Variants in PCDHA4 observed in about 807,000 individuals in gnomAD.
PCDHA4 encodes protocadherin alpha 4.
A neutral mutation model predicts 61.4 loss-of-function variants in PCDHA4; 49 were observed. The observed-to-expected ratio is 0.80, with a 90% confidence interval of 0.63 to 1.01. PCDHA4 has a LOEUF of 1.01. Among genes scored for constraint, PCDHA4 ranks in the 50% least tolerant of loss-of-function variants. PCDHA4 has a pLI of 0.00. For missense variants in PCDHA4, 1,254 were observed against 1,235.8 expected, an observed-to-expected ratio of 1.01 and a Z score of -0.22; for synonymous variants, 590 against 550.3, an observed-to-expected ratio of 1.07 and a Z score of -1.01.
At chr5:140,993,226 T>G (rs1554253487) in intron 3 of PCDHA4, among the ~76,000 whole-genome samples, 1 of 152,204 alleles carries the variant, frequency 6.6e-6, no homozygotes, top group Non-Finnish European at 1.5e-5. Context: ...TTTGGTATGT[T>G]CTCTCTGAAT....
intron 1 of PCDHA4, chr5:140,813,779 T>TA (rs1765377649): frequency 6.6e-6 from 1 of 152,298 alleles, no homozygotes; most frequent in Admixed American, 6.5e-5. Flanking sequence ...GAGGATCACT[T>TA]AAGCCCAGGA....
intron 1 of PCDHA4, among the ~76,000 whole-genome samples, chr5:140,841,023 C>T (rs1331109795): frequency 6.6e-6 from 1 of 152,000 alleles, no homozygotes; most frequent in Admixed American, 6.6e-5. Flanking sequence ...ATGAATGCCT[C>T]TGCAATTGAT....
intron 1 of PCDHA4, among the ~76,000 whole-genome samples, chr5:140,846,468 G>A (rs1461783374): frequency 7.0e-6 from 1 of 142,284 alleles, no homozygotes; most frequent in East Asian, 2.1e-4. Flanking sequence ...TCTGCCTCCC[G>A]GGTTCAAATG....
intron 1 of PCDHA4, among the ~76,000 whole-genome samples, chr5:140,924,989 C>T (rs782768303): frequency 7.9e-5 from 12 of 151,328 alleles, no homozygotes; most frequent in Admixed American, 1.3e-4. Context: ...GTCTGTAATC[C>T]TAGCACTTTA....
Position 140,913,941 on chromosome 5 carries a change from C to T in PCDHA4, c.2386-65008C>T, listed in dbSNP as rs950871389. ...TACTTCATTGTGGTCAGAGAAGAAT[C>T]TTGATATGATATCATTTTTAAAAAA... On this transcript the variant is annotated intron_variant, in intron 1 of 3. Transcript: ENST00000530339. Among the ~76,000 whole-genome samples, 3 of 152,102 alleles carry T rather than the reference C, an allele frequency of 2.0e-5. No homozygotes were observed. In the East Asian group the frequency reaches 5.8e-4, roughly 29 times the overall value.
At chr5:140,822,611 T>A in intron 1 of PCDHA4, 1 of 1,611,604 alleles carries the variant, frequency 6.2e-7, no homozygotes, top group South Asian at 1.1e-5. Flanking sequence ...ATAGTGTATT[T>A]CTTTAGTAAT....
chr5:140,821,740 A>C (rs1767041750), intron 1 of PCDHA4: 1 of 1,551,082 alleles, frequency 6.4e-7, no homozygotes, highest in Non-Finnish European at 8.7e-7. Flanking sequence ...TTGTGTGGTG[A>C]TGCAATAGAA....
At chr5:140,868,907 AC>A in intron 1 of PCDHA4, 2 of 869,128 alleles carry the variant, frequency 2.3e-6, no homozygotes, top group Non-Finnish European at 3.4e-6. Flanking sequence ...GTCGCTCTTT[AC>A]TTGGTGGAAA....
intron 1 of PCDHA4, chr5:140,968,357 C>T: frequency 6.2e-7 from 1 of 1,614,080 alleles, no homozygotes; most frequent in Non-Finnish European, 8.5e-7. Context: ...CAGTGGCAGC[C>T]TTTATGCTGT....
intron 1 of PCDHA4, chr5:140,823,946 C>A: frequency 6.2e-7 from 1 of 1,613,970 alleles, no homozygotes; most frequent in Non-Finnish European, 8.5e-7. Flanking sequence ...CGGTGCTCGG[C>A]GCAGCCCACC....
intron 2 of PCDHA4, among the ~76,000 whole-genome samples, chr5:140,981,825 T>G (rs941645731): frequency 2.0e-5 from 3 of 152,184 alleles, no homozygotes; most frequent in African/African-American, 7.2e-5. Context: ...TCTGCTTGCC[T>G]CTAAAGGTCT....
chr5:140,968,159 A>T, intron 1 of PCDHA4: 6 of 1,614,136 alleles, frequency 3.7e-6, no homozygotes, highest in Non-Finnish European at 4.2e-6. Flanking sequence ...CATCAATGAC[A>T]ATCCACCAAG....
rs112991614 is a variant in PCDHA4, at chr5:140,829,474, A to G, written c.2385+19902A>G. 3.3e-3 allele frequency: 5,348 copies of G among 1,613,788 alleles called. 124 individuals carry two copies. In the African/African-American group the frequency reaches 0.055, roughly 17 times the overall value. On this transcript the variant is annotated intron_variant, in intron 1 of 3. Transcript: ENST00000530339. ...CGGCGTTCGCGCAGCCCGAGTACAC[A>G]GTGTTCGTGAAGGAGAACAACCCGC...
intron 1 of PCDHA4, among the ~76,000 whole-genome samples, chr5:140,964,705 C>T (rs1361202248): frequency 2.6e-5 from 4 of 151,550 alleles, no homozygotes; most frequent in Non-Finnish European, 4.4e-5. Flanking sequence ...TTAAGGCCTC[C>T]GAGATCAAAT....
chr5:140,971,019 G>A (rs908442935), intron 1 of PCDHA4, among the ~76,000 whole-genome samples: 2 of 152,174 alleles, frequency 1.3e-5, no homozygotes, highest in African/African-American at 2.4e-5. Flanking sequence ...TCTTTAGATC[G>A]TAGCATTTGA....
At position 140,924,955 on chromosome 5, in the gene PCDHA4, T is replaced by C. The variant is rs571597374; in HGVS notation, c.2386-53994T>C. Among the ~76,000 whole-genome samples, 96 of 145,332 alleles carry C rather than the reference T, an allele frequency of 6.6e-4. 1 individual carries two copies. The South Asian group carries it at 0.02, about 30-fold the overall frequency. The stretch of plus-strand genomic sequence containing the variant: ...ATAAAATAAAAAGTTAAAAAAAAAA[T>C]GCAAGGTGAGTGCAGTGGCTCATGT... On this transcript the variant is annotated intron_variant, in intron 1 of 3. Transcript: ENST00000530339.
At chr5:140,838,209 G>C (rs1580889763) in intron 1 of PCDHA4, among the ~76,000 whole-genome samples, 1 of 149,446 alleles carries the variant, frequency 6.7e-6, no homozygotes, top group Admixed American at 6.7e-5. Flanking sequence ...CGCCTCTCTG[G>C]TACAAGCAGT....
At chr5:140,829,972 C>T (rs1344342673) in intron 1 of PCDHA4, 1 of 1,613,888 alleles carries the variant, frequency 6.2e-7, no homozygotes, top group African/African-American at 1.3e-5. Context: ...TGGGGCTGTA[C>T]ACGGGCGAGA....
intron 1 of PCDHA4, among the ~76,000 whole-genome samples, chr5:140,937,827 G>A (rs1328688983): frequency 2.6e-5 from 4 of 151,564 alleles, no homozygotes; most frequent in Non-Finnish European, 5.9e-5. Context: ...CAGGAGAATG[G>A]CATGAACCTG....
Sources: allele counts gnomAD v4.1 joint callset (sites outside exome capture counted in the v4.1 genomes callset), GRCh38; gene constraint gnomAD v4.1.1; transcripts MANE v1.5; gene names NCBI Gene and HGNC (gene_info 2026-07-23, HGNC 2026-07-21).